PLEKHA5: variants seen among roughly 807,000 people sequenced by gnomAD.
The protein encoded by PLEKHA5 is pleckstrin homology domain containing A5.
Under a neutral mutation model 181.9 loss-of-function variants are expected in PLEKHA5, and 55 were observed. That is an observed-to-expected ratio of 0.30 (90% CI 0.24 to 0.38). PLEKHA5 has a LOEUF of 0.38. Among genes scored for constraint, PLEKHA5 ranks in the 10% least tolerant of loss-of-function variants. PLEKHA5 has a pLI of 1.00. For synonymous variants in PLEKHA5, 535 were observed against 529.4 expected, an observed-to-expected ratio of 1.01 and a Z score of -0.15; for missense variants, 1,432 against 1,549.5, an observed-to-expected ratio of 0.92 and a Z score of 1.27.
chr12:19,365,989 A>G lies in PLEKHA5; in HGVS notation c.3634A>G (p.Asn1212Asp). ...FSPQDETQTA[N>D]HKPEEHPEEN... ...CCCTCAAGATGAAACACAGACCGCA[A>G]ATCATAAACCAGAAGAGCATCCTGA... is the stretch of plus-strand genomic sequence containing the variant. Residue 1212 changes from asparagine (N) to aspartate (D), a missense_variant, in exon 30 of 32, where the codon AAT becomes GAT. Asn to Asp is a conservative substitution (Grantham distance 23). This residue lies in a region of PLEKHA5 where 1,143 missense variants were observed against 1,168.4 expected (regional missense o/e 0.98). Coordinates refer to ENST00000429027, the MANE Select transcript of PLEKHA5 (RefSeq NM_001256470.2). 4 of 1,611,460 alleles carry G rather than the reference A, an allele frequency of 2.5e-6. No homozygotes were observed. The highest frequency in any genetic ancestry group is 3.4e-6 in the Non-Finnish European group (4 of 1,179,228).
chr12:19,303,022 A>G (rs573323276), intron 15 of PLEKHA5, among the ~76,000 whole-genome samples: 4 of 141,010 alleles, frequency 2.8e-5, no homozygotes, highest in East Asian at 4.3e-4. Context: ...CCCGGGTTCA[A>G]CTGATTCTCC....
chr12:19,324,705 A>G (rs1190359634), intron 20 of PLEKHA5, among the ~76,000 whole-genome samples: 1 of 152,214 alleles, frequency 6.6e-6, no homozygotes, highest in African/African-American at 2.4e-5. Flanking sequence ...ATAATACAAA[A>G]CACCCTAAGC....
chr12:19,344,083 A>G (rs2094145778), intron 22 of PLEKHA5, among the ~76,000 whole-genome samples: 1 of 151,934 alleles, frequency 6.6e-6, no homozygotes, highest in South Asian at 2.1e-4. Flanking sequence ...CAGCTGCATT[A>G]TAATCTTATG....
intron 30 of PLEKHA5, among the ~76,000 whole-genome samples, chr12:19,368,946 G>A (rs1057421005): frequency 1.7e-4 from 9 of 54,292 alleles, no homozygotes; most frequent in Non-Finnish European, 3.4e-4. Context: ...GTATTTAGCT[G>A]CATAGAACTA....
At chr12:19,262,762 C>T (rs1316933192) in intron 7 of PLEKHA5, among the ~76,000 whole-genome samples, 1 of 152,126 alleles carries the variant, frequency 6.6e-6, no homozygotes, top group African/African-American at 2.4e-5. Context: ...GAACATAGTA[C>T]CAACTGGGTA....
intron 11 of PLEKHA5, among the ~76,000 whole-genome samples, chr12:19,278,673 G>A (rs1027502480): frequency 6.6e-6 from 1 of 152,070 alleles, no homozygotes; most frequent in South Asian, 2.1e-4. Flanking sequence ...TCTGGCTTTC[G>A]TGTGATAGGA....
At chr12:19,205,697 T>A (rs768375118) in intron 3 of PLEKHA5, among the ~76,000 whole-genome samples, 9 of 152,132 alleles carry the variant, frequency 5.9e-5, no homozygotes, top group Non-Finnish European at 1.2e-4. Flanking sequence ...CCACAAATTT[T>A]CTTGCTGACT....
At chr12:19,158,525 TTTCAGG>T (rs1442431963) in intron 3 of PLEKHA5, among the ~76,000 whole-genome samples, 1 of 152,198 alleles carries the variant, frequency 6.6e-6, no homozygotes, top group Non-Finnish European at 1.5e-5. Flanking sequence ...TTTTCTTTTT[TTTCAGG>T]TTCTGAGCTT....
intron 3 of PLEKHA5, among the ~76,000 whole-genome samples, chr12:19,144,395 T>C (rs76170535): frequency 0.026 from 3,911 of 152,268 alleles, 67 homozygotes; most frequent in Middle Eastern, 0.054. Context: ...TCTCATCAGT[T>C]AGTCTGTCTC....
chr12:19,132,290 T>C, intron 2 of PLEKHA5, 103 bp from the exon 3 acceptor site: 2 of 693,708 alleles, frequency 2.9e-6, no homozygotes, highest in South Asian at 1.7e-5. Flanking sequence ...AGTAATCTAC[T>C]TAATTAAAAC....
intron 3 of PLEKHA5, chr12:19,152,788 G>A (rs2040746120): frequency 1.3e-5 from 2 of 152,058 alleles, no homozygotes; most frequent in Admixed American, 1.3e-4. Context: ...AGCTTCTCTA[G>A]GATCTGTAAA....
chr12:19,136,052 T>C (rs2035556615), intron 3 of PLEKHA5, among the ~76,000 whole-genome samples: 1 of 151,830 alleles, frequency 6.6e-6, no homozygotes, highest in African/African-American at 2.4e-5. Flanking sequence ...GCTAATTTGA[T>C]TGATTGATTG....
rs144268166 is a variant in PLEKHA5 at position 19,283,448 on chromosome 12, G to A, written c.1482G>A (p.Ala494=). 223 of 1,614,072 alleles carry A rather than the reference G, an allele frequency of 1.4e-4. No homozygotes were observed. In the East Asian group the frequency reaches 2.3e-3, roughly 16 times the overall value. The part of the protein sequence containing the change: ...STHDKTLGPG[A]EEKRRSMRDD... ...ATGACAAGACATTAGGACCCGGAGC[G>A]GAGGAGAAACGGAGGTCCATGAGAG... Residue 494 remains alanine, a synonymous_variant, in exon 12 of 32, where the codon GCG becomes GCA. Transcript: ENST00000429027.
intron 21 of PLEKHA5, 22 bp from the exon 22 acceptor site, chr12:19,343,301 G>A (rs1284894015): frequency 6.9e-7 from 1 of 1,442,516 alleles, no homozygotes; most frequent in African/African-American, 1.4e-5. Context: ...CTTATATATG[G>A]TCTATCCATT....
intron 3 of PLEKHA5, among the ~76,000 whole-genome samples, chr12:19,141,612 A>C (rs1470614053): frequency 6.6e-6 from 1 of 152,208 alleles, no homozygotes; most frequent in Non-Finnish European, 1.5e-5. Context: ...TGTGTTGCAG[A>C]AGTAATAGTT....
chr12:19,198,841 A>G (rs1252379068), intron 3 of PLEKHA5, among the ~76,000 whole-genome samples: 1 of 152,202 alleles, frequency 6.6e-6, no homozygotes, highest in Non-Finnish European at 1.5e-5. Flanking sequence ...AGGAATAGTT[A>G]TCCCCATTTT....
At chr12:19,160,385 T>C (rs527670935) in intron 3 of PLEKHA5, among the ~76,000 whole-genome samples, 1 of 152,180 alleles carries the variant, frequency 6.6e-6, no homozygotes, top group South Asian at 2.1e-4. Context: ...TAACTTTAAG[T>C]TGTTATATTG....
At chr12:19,239,943 A>T (rs1301279286) in intron 3 of PLEKHA5, among the ~76,000 whole-genome samples, 1 of 152,250 alleles carries the variant, frequency 6.6e-6, no homozygotes, top group Non-Finnish European at 1.5e-5. Flanking sequence ...AGGCTGTGTC[A>T]CCAGTGCCTA....
chr12:19,176,578 C>T (rs2047304411), intron 3 of PLEKHA5: 1 of 152,158 alleles, frequency 6.6e-6, no homozygotes, highest in Non-Finnish European at 1.5e-5. Context: ...AGGCGTGAGC[C>T]ACCATGCCTG....
Sources: allele counts gnomAD v4.1 joint callset (sites outside exome capture counted in the v4.1 genomes callset), GRCh38; gene constraint gnomAD v4.1.1; regional missense constraint gnomAD v4.1.1; transcripts MANE v1.5; gene names NCBI Gene and HGNC (gene_info 2026-07-23, HGNC 2026-07-21).